Variants in NBEA observed in about 807,000 individuals in gnomAD.
NBEA encodes lysosomal-trafficking regulator 2.
NBEA carries 44 observed loss-of-function variants against 343.4 expected under a neutral mutation model. That is an observed-to-expected ratio of 0.13 (90% CI 0.10 to 0.16). The LOEUF is 0.16. NBEA is among the 10% of genes least tolerant of loss of function. The probability of loss-of-function intolerance (pLI) is 1.00; values close to 1 mark genes in which losing one functional copy is unlikely to be tolerated. For synonymous variants in NBEA, 1,175 were observed against 1,238.7 expected, an observed-to-expected ratio of 0.95 and a Z score of 1.08; for missense variants, 2,555 against 3,631.3, an observed-to-expected ratio of 0.70 and a Z score of 7.62.
At chr13:35,645,505 T>G (rs2084183008) in intron 49 of NBEA, among the ~76,000 whole-genome samples, 1 of 152,184 alleles carries the variant, frequency 6.6e-6, no homozygotes, top group African/African-American at 2.4e-5. Context: ...CTAAAATTAT[T>G]TCTATTCCTT....
At chr13:35,013,668 C>T (rs1468016170) in intron 1 of NBEA, among the ~76,000 whole-genome samples, 7 of 152,168 alleles carry the variant, frequency 4.6e-5, no homozygotes, top group Non-Finnish European at 1.0e-4. Context: ...GGAATTTCAC[C>T]ATGTTGGCCA....
intron 10 of NBEA, among the ~76,000 whole-genome samples, chr13:35,082,668 G>A (rs910494314): frequency 9.9e-5 from 15 of 152,178 alleles, no homozygotes; most frequent in Non-Finnish European, 1.9e-4. Flanking sequence ...CTGATGGCCA[G>A]TGATGATGAG....
chr13:35,382,547 A>G (rs2152892943), intron 38 of NBEA, among the ~76,000 whole-genome samples: 1 of 152,284 alleles, frequency 6.6e-6, no homozygotes, highest in African/African-American at 2.4e-5. Context: ...TTTAGAAAAC[A>G]TTAATTGCAC....
intron 38 of NBEA, among the ~76,000 whole-genome samples, chr13:35,358,848 G>A (rs1488487461): frequency 6.6e-6 from 1 of 152,196 alleles, no homozygotes; most frequent in Non-Finnish European, 1.5e-5. Context: ...GGAAAGACTT[G>A]TTTGAAGAAG....
At chr13:35,165,328 C>CA (rs2152716616) in intron 24 of NBEA, among the ~76,000 whole-genome samples, 1 of 152,280 alleles carries the variant, frequency 6.6e-6, no homozygotes, top group Non-Finnish European at 1.5e-5. Flanking sequence ...CATTAGCAGC[C>CA]ATAGGCTATA....
Position 35,113,586 on chromosome 13 carries a change from C to CATCCATCT in NBEA, c.2002+2611_2002+2612insCATCTATC, listed in dbSNP as rs1555307443. The stretch of plus-strand genomic sequence containing the variant: ...GAAGAACTTGTTTTACTCCTCCACT[C>CATCCATCT]ATCTATCTATCTATCTATCTATCTA... On this transcript the variant is annotated intron_variant, in intron 13 of 58. Coordinates refer to ENST00000379939, the MANE Select transcript of NBEA (RefSeq NM_001385012.1). 4.3e-3 allele frequency among the ~76,000 whole-genome samples: 635 copies of CATCCATCT among 146,796 alleles called. 7 individuals carry two copies. The highest frequency in any genetic ancestry group is 0.014 in the African/African-American group (546 of 39,580).
intron 34 of NBEA, among the ~76,000 whole-genome samples, chr13:35,247,620 C>T (rs938563918): frequency 1.3e-5 from 2 of 152,112 alleles, no homozygotes; most frequent in African/African-American, 4.8e-5. Flanking sequence ...AGTTTGGACA[C>T]TCACAGTGTT....
intron 49 of NBEA, among the ~76,000 whole-genome samples, chr13:35,630,480 G>C (rs1199720595): frequency 1.3e-5 from 2 of 152,172 alleles, no homozygotes; most frequent in African/African-American, 2.4e-5. Context: ...ACAATATCTT[G>C]TATTACAGCT....
chr13:35,254,522 A>G (rs896940786), intron 34 of NBEA, among the ~76,000 whole-genome samples: 5 of 151,938 alleles, frequency 3.3e-5, no homozygotes, highest in South Asian at 2.1e-4. Flanking sequence ...GGGTCTCCCT[A>G]TGTTATCAAA....
intron 6 of NBEA, among the ~76,000 whole-genome samples, chr13:35,051,970 C>G (rs1381233586): frequency 1.3e-5 from 2 of 151,972 alleles, no homozygotes; most frequent in Non-Finnish European, 2.9e-5. Context: ...CCCATTTGTT[C>G]TCACTTTTTC....
intron 13 of NBEA, among the ~76,000 whole-genome samples, chr13:35,116,169 A>G (rs1230411451): frequency 6.6e-6 from 1 of 152,154 alleles, no homozygotes; most frequent in East Asian, 1.9e-4. Context: ...ACTTGAAATC[A>G]GATTATTATT....
At chr13:35,264,609 AT>A (rs1409495331) in intron 34 of NBEA, among the ~76,000 whole-genome samples, 2 of 45,330 alleles carry the variant, frequency 4.4e-5, no homozygotes, top group Admixed American at 4.9e-4. Flanking sequence ...TAATCAATAA[AT>A]GGTGATACAT....
intron 1 of NBEA, among the ~76,000 whole-genome samples, chr13:35,001,460 T>C (rs2152524753): frequency 6.6e-6 from 1 of 152,260 alleles, no homozygotes; most frequent in Middle Eastern, 3.4e-3. Flanking sequence ...GAAAATATGG[T>C]ATATGTGCAC....
intron 1 of NBEA, among the ~76,000 whole-genome samples, chr13:35,021,664 A>G (rs181790602): frequency 1.8e-4 from 28 of 151,980 alleles, no homozygotes; most frequent in African/African-American, 6.5e-4. Flanking sequence ...AGAGTTTATC[A>G]TATGCATCAT....
chr13:35,196,254 A>C lies in NBEA; in HGVS notation c.5318A>C (p.Lys1773Thr). The change falls in exon 31 of 59, where the codon AAG (lysine) becomes ACG (threonine). Residue 1773 changes from lysine to threonine, a missense_variant. Physicochemically the swap from Lys to Thr is moderately conservative, Grantham distance 78. Coordinates refer to ENST00000379939, the MANE Select transcript of NBEA (RefSeq NM_001385012.1). Reference protein sequence around the residue: ...EPIPYPDPALKRETQAILPMQ... With the variant: ...EPIPYPDPALTRETQAILPMQ... ...ATCCCATACCCAGATCCAGCATTGA[A>C]GAGAGAAACACAAGCTATTCTTCCT... 1 of 1,613,556 alleles carries C rather than the reference A, an allele frequency of 6.2e-7. No individual in the cohort carries two copies.
chr13:35,231,479 C>T (rs2074970541), intron 33 of NBEA, among the ~76,000 whole-genome samples: 1 of 152,090 alleles, frequency 6.6e-6, no homozygotes, highest in South Asian at 2.1e-4. Context: ...TAATTGCTAA[C>T]TGTACATATC....
At chr13:35,161,245 C>A (rs2069538491) in intron 22 of NBEA, among the ~76,000 whole-genome samples, 1 of 152,154 alleles carries the variant, frequency 6.6e-6, no homozygotes, top group South Asian at 2.1e-4. Context: ...AGACATTTTT[C>A]TGGTTTGTTT....
chr13:35,575,745 G>A (rs2080703501), intron 45 of NBEA, among the ~76,000 whole-genome samples: 1 of 152,026 alleles, frequency 6.6e-6, no homozygotes, highest in Non-Finnish European at 1.5e-5. Flanking sequence ...CTATAATCAA[G>A]GTTTTCTAAT....
chr13:35,230,121 C>CA lies in NBEA; in HGVS notation c.5649-2364dup, dbSNP rs35777628. 2.8e-3 allele frequency among the ~76,000 whole-genome samples: 429 copies of CA among 151,808 alleles called. 2 individuals are homozygous for CA. The highest frequency in any genetic ancestry group is 9.0e-3 in the African/African-American group (375 of 41,440). Reference sequence around the variant, plus strand: ...AATAAATTTTATAAGAAAATATTTGCAAAAAAATCTTAATAGGGATTCACT... The same window carrying CA: ...AATAAATTTTATAAGAAAATATTTGCAAAAAAAATCTTAATAGGGATTCACT... On this transcript the variant is annotated intron_variant, in intron 33 of 58. Coordinates refer to ENST00000379939, the MANE Select transcript of NBEA (RefSeq NM_001385012.1).
Sources: allele counts gnomAD v4.1 joint callset (sites outside exome capture counted in the v4.1 genomes callset), GRCh38; gene constraint gnomAD v4.1.1; transcripts MANE v1.5; gene names NCBI Gene and HGNC (gene_info 2026-07-23, HGNC 2026-07-21).